ZBTB20: variants seen among roughly 807,000 people sequenced by gnomAD.
ZBTB20 encodes the protein zinc finger and BTB domain-containing protein 20.
A neutral mutation model predicts 56.9 loss-of-function variants in ZBTB20; 9 were observed. That is an observed-to-expected ratio of 0.16 (90% confidence interval 0.10 to 0.28). The LOEUF (loss-of-function observed/expected upper bound fraction) is 0.28, where lower values mean the gene tolerates loss of function less well. Among genes scored for constraint, ZBTB20 ranks in the 10% least tolerant of loss-of-function variants. The pLI is 1.00. For synonymous variants in ZBTB20, 417 were observed against 420.7 expected (o/e 0.99, Z 0.11); for missense variants, 655 against 1,003.0 (o/e 0.65, Z 4.69).
At chr3:114,927,372 G>T (rs886864663) in intron 3 of ZBTB20, among the ~76,000 whole-genome samples, 2 of 152,162 alleles carry the variant, frequency 1.3e-5, no homozygotes, top group Admixed American at 6.5e-5. Flanking sequence ...TGCTCCGACT[G>T]TCTTGGGCAC....
At chr3:114,762,860 C>T (rs2068535295) in intron 5 of ZBTB20, among the ~76,000 whole-genome samples, 1 of 152,144 alleles carries the variant, frequency 6.6e-6, no homozygotes, top group African/African-American at 2.4e-5. Context: ...CCTGTTTGGT[C>T]CCTCCTTCCT....
intron 3 of ZBTB20, among the ~76,000 whole-genome samples, chr3:114,912,142 A>T (rs2075566882): frequency 6.6e-6 from 1 of 151,206 alleles, no homozygotes; most frequent in Non-Finnish European, 1.5e-5. Flanking sequence ...AAAAAAAAAA[A>T]AAACCTGCCA....
intron 5 of ZBTB20, among the ~76,000 whole-genome samples, chr3:114,773,831 T>C (rs770886568): frequency 6.6e-5 from 10 of 152,256 alleles, no homozygotes; most frequent in Non-Finnish European, 1.2e-4. Context: ...AGTTGTCTTA[T>C]AATCATACCT....
At chr3:115,124,185 A>G (rs1407700947) in intron 1 of ZBTB20, among the ~76,000 whole-genome samples, 1 of 152,232 alleles carries the variant, frequency 6.6e-6, no homozygotes, top group Non-Finnish European at 1.5e-5. Flanking sequence ...CTAAAAAGTA[A>G]TGTAAGTGAA....
chr3:115,044,692 C>G (rs893924149), intron 2 of ZBTB20, among the ~76,000 whole-genome samples: 13 of 152,158 alleles, frequency 8.5e-5, no homozygotes, highest in Non-Finnish European at 1.6e-4. Flanking sequence ...TTGGCAGTGC[C>G]AAGTTTAAAA....
At chr3:114,529,794 C>T (rs566710283) in intron 6 of ZBTB20, among the ~76,000 whole-genome samples, 3 of 152,284 alleles carry the variant, frequency 2.0e-5, no homozygotes, top group South Asian at 2.1e-4. Context: ...TGTACTGCAT[C>T]CCCAATAAAC....
At chr3:115,041,413 T>C (rs940204123) in intron 2 of ZBTB20, among the ~76,000 whole-genome samples, 1 of 152,162 alleles carries the variant, frequency 6.6e-6, no homozygotes, top group Admixed American at 6.5e-5. Context: ...AAATCCAGTC[T>C]TTGGTTCACT....
intron 4 of ZBTB20, among the ~76,000 whole-genome samples, chr3:114,898,337 C>T (rs2074971152): frequency 6.6e-6 from 1 of 152,062 alleles, no homozygotes; most frequent in Non-Finnish European, 1.5e-5. Flanking sequence ...AACATACAGA[C>T]TTCTTGTAAT....
chr3:114,846,691 T>C (rs1243837244), intron 4 of ZBTB20, among the ~76,000 whole-genome samples: 2 of 152,214 alleles, frequency 1.3e-5, no homozygotes, highest in African/African-American at 4.8e-5. Context: ...AAACAATTGT[T>C]TCTCTATGAA....
At chr3:114,971,631 C>A (rs1194037374) in intron 3 of ZBTB20, among the ~76,000 whole-genome samples, 5 of 151,832 alleles carry the variant, frequency 3.3e-5, no homozygotes, top group Non-Finnish European at 7.4e-5. Context: ...TAGAAACTGT[C>A]AAAAAAAGTG....
intron 6 of ZBTB20, among the ~76,000 whole-genome samples, chr3:114,520,966 G>T (rs909273713): frequency 2.0e-5 from 3 of 152,090 alleles, no homozygotes; most frequent in African/African-American, 7.2e-5. Flanking sequence ...CGTGCATATA[G>T]ATGTGCAATC....
At chr3:115,116,174 T>C (rs1251946001) in intron 1 of ZBTB20, among the ~76,000 whole-genome samples, 1 of 152,060 alleles carries the variant, frequency 6.6e-6, no homozygotes, top group African/African-American at 2.4e-5. Context: ...TAACATTTAG[T>C]AGCTCCAACT....
chr3:114,538,640 G>C (rs1017667409), intron 6 of ZBTB20, among the ~76,000 whole-genome samples: 2 of 152,082 alleles, frequency 1.3e-5, no homozygotes, highest in African/African-American at 4.8e-5. Flanking sequence ...TTTAAATTAA[G>C]TGCAAGATAC....
chr3:115,063,032 A>G (rs1055406661), intron 2 of ZBTB20, among the ~76,000 whole-genome samples: 1 of 152,192 alleles, frequency 6.6e-6, no homozygotes, highest in South Asian at 2.1e-4. Flanking sequence ...TAAATTTTGT[A>G]ACATATATTT....
At position 114,942,795 on chromosome 3, in the gene ZBTB20, A is replaced by G. The variant is rs577825830; in HGVS notation, c.-456+31571T>C. ...AAGGCATTTGCTGTTTCCTAAGTAG[A>G]ACAGAATGCGAGACTGAGCACAAAG... On this transcript the variant is annotated intron_variant, in intron 3 of 11. Coordinates refer to ENST00000675478, the MANE Select transcript of ZBTB20 (RefSeq NM_001348800.3). Among the ~76,000 whole-genome samples, 2 of 145,740 alleles carry G rather than the reference A, an allele frequency of 1.4e-5. 1 individual carries two copies. The highest frequency in any genetic ancestry group is 4.3e-4 in the South Asian group (2 of 4,676).
intron 6 of ZBTB20, among the ~76,000 whole-genome samples, chr3:114,614,556 T>A (rs902323027): frequency 6.6e-6 from 1 of 152,176 alleles, no homozygotes. Flanking sequence ...ACTGAGATTT[T>A]TCAAACCCTG....
chr3:115,003,161 AG>A (rs2079320138), intron 2 of ZBTB20, among the ~76,000 whole-genome samples: 2 of 151,674 alleles, frequency 1.3e-5, no homozygotes, highest in South Asian at 4.1e-4. Context: ...AGGGATAAAC[AG>A]GTAGAGTACA....
intron 6 of ZBTB20, among the ~76,000 whole-genome samples, chr3:114,532,480 A>T (rs2047961519): frequency 6.6e-6 from 1 of 152,212 alleles, no homozygotes; most frequent in African/African-American, 2.4e-5. Flanking sequence ...GAAAGTTAGC[A>T]GCCCCAGTCA....
intron 4 of ZBTB20, among the ~76,000 whole-genome samples, chr3:114,882,781 CT>C (rs2076446664): frequency 6.6e-6 from 1 of 152,028 alleles, no homozygotes; most frequent in Non-Finnish European, 1.5e-5. Flanking sequence ...ACAGTTGAAA[CT>C]TTTTATCTCT....
Sources: allele counts gnomAD v4.1 joint callset (sites outside exome capture counted in the v4.1 genomes callset), GRCh38; gene constraint gnomAD v4.1.1; transcripts MANE v1.5; gene names NCBI Gene and HGNC (gene_info 2026-07-23, HGNC 2026-07-21).